The following OSBP2 variants were observed in gnomAD, a reference collection of about 807,000 sequenced individuals.
The protein encoded by OSBP2 is oxysterol-binding protein 2.
A neutral mutation model predicts 96.0 loss-of-function variants in OSBP2; 66 were observed. The ratio of observed to expected loss-of-function variants is 0.69; its 90% CI spans 0.56 to 0.84. The LOEUF (loss-of-function observed/expected upper bound fraction) is 0.84, where lower values mean the gene tolerates loss of function less well. Ranked by LOEUF, OSBP2 falls within the 40% of genes least tolerant of loss-of-function variation. The probability of loss-of-function intolerance (pLI) is 0.00; values close to 1 mark genes in which losing one functional copy is unlikely to be tolerated. For missense variants in OSBP2, 1,038 were observed against 1,222.7 expected (o/e 0.85, Z 2.25); for synonymous variants, 525 against 520.9 (o/e 1.01, Z -0.11).
In OSBP2 at chr22:30,764,791, G is replaced by C. The variant is rs907933196; in HGVS notation, c.853+23422G>C. On this transcript the variant is annotated intron_variant, in intron 2 of 13. Transcript: ENST00000332585. The stretch of plus-strand genomic sequence containing the variant: ...ATTGACCCTCAGACCCCTCAGTCCT[G>C]AGGAGGAGAGAAGCCCCATCCTCCC... Among the ~76,000 whole-genome samples, 5 of 152,258 alleles carry C rather than the reference G, an allele frequency of 3.3e-5. No homozygotes were observed. The East Asian group carries it at 9.6e-4, about 29-fold the overall frequency.
intron 1 of OSBP2, among the ~76,000 whole-genome samples, chr22:30,737,194 T>C (rs562944801): frequency 6.6e-6 from 1 of 152,222 alleles, no homozygotes; most frequent in Non-Finnish European, 1.5e-5. Context: ...TTTTCTATTA[T>C]TAGTAGAGAT....
chr22:30,886,990 C>G (rs989049141), intron 3 of OSBP2, among the ~76,000 whole-genome samples: 2 of 152,118 alleles, frequency 1.3e-5, no homozygotes, highest in Admixed American at 1.3e-4. Flanking sequence ...GAGCAGCCCC[C>G]GGGGCTGCTT....
chr22:30,830,811 C>T (rs1223031646), intron 2 of OSBP2, among the ~76,000 whole-genome samples: 1 of 152,084 alleles, frequency 6.6e-6, no homozygotes, highest in East Asian at 1.9e-4. Context: ...TATCCCTTTG[C>T]CACTGTTTTT....
At chr22:30,861,831 G>C (rs1417269521) in intron 2 of OSBP2, among the ~76,000 whole-genome samples, 2 of 152,150 alleles carry the variant, frequency 1.3e-5, no homozygotes, top group Non-Finnish European at 2.9e-5. Flanking sequence ...GGCCCTCGCC[G>C]CTTCTATCTC....
At chr22:30,783,482 C>T (rs771985822) in intron 2 of OSBP2, among the ~76,000 whole-genome samples, 8 of 151,272 alleles carry the variant, frequency 5.3e-5, no homozygotes, top group Non-Finnish European at 8.8e-5. Context: ...CCACCATGGC[C>T]GGCTAATTTT....
intron 1 of OSBP2, 88 bp from the exon 2 acceptor site, chr22:30,741,073 G>A: frequency 9.6e-7 from 1 of 1,040,946 alleles, no homozygotes; most frequent in Non-Finnish European, 1.4e-6. Flanking sequence ...GAGGGTCTGA[G>A]ATTCTGAGGA....
At chr22:30,872,297 T>C in intron 3 of OSBP2, 1 of 456,650 alleles carries the variant, frequency 2.2e-6, no homozygotes, top group South Asian at 1.5e-5. Context: ...TGTATTTCCC[T>C]GTCCCTCCCA....
rs368255550 is a variant in OSBP2, at chr22:30,898,344, C to A, written c.2375+4343C>A. Among the ~76,000 whole-genome samples the A allele has an allele frequency of 1.3e-4, 19 of 150,886 alleles. No individual in the cohort carries two copies. The East Asian group carries it at 2.9e-3, about 23-fold the overall frequency. ...CTCTAGCCTGTGTGACAGAGCAAGA[C>A]CCTGTCTCAAAAAATAATAATAATT... On this transcript the variant is annotated intron_variant, in intron 12 of 13. Transcript: ENST00000332585.
At chr22:30,811,413 T>G (rs2091005214) in intron 2 of OSBP2, among the ~76,000 whole-genome samples, 1 of 151,006 alleles carries the variant, frequency 6.6e-6, no homozygotes, top group African/African-American at 2.4e-5. Context: ...TGGTGCGATC[T>G]CAGCTCACCA....
intron 1 of OSBP2, among the ~76,000 whole-genome samples, chr22:30,696,341 C>G (rs2089034648): frequency 6.6e-6 from 1 of 152,196 alleles, no homozygotes; most frequent in Non-Finnish European, 1.5e-5. Context: ...GAACTCAGAT[C>G]AGTCTATGCC....
intron 2 of OSBP2, among the ~76,000 whole-genome samples, chr22:30,843,444 T>TA (rs1555919385): frequency 8.3e-6 from 1 of 120,556 alleles, no homozygotes; most frequent in Non-Finnish European, 1.7e-5. Context: ...CAGGAATCTT[T>TA]CCCCCCTCCC....
intron 2 of OSBP2, among the ~76,000 whole-genome samples, chr22:30,802,045 T>G (rs2090857775): frequency 6.6e-6 from 1 of 152,150 alleles, no homozygotes; most frequent in Non-Finnish European, 1.5e-5. Context: ...AGGTAGGGTA[T>G]CCTCATCTTG....
intron 2 of OSBP2, among the ~76,000 whole-genome samples, chr22:30,847,273 C>G (rs1187416360): frequency 6.6e-6 from 1 of 151,468 alleles, no homozygotes; most frequent in Non-Finnish European, 1.5e-5. Context: ...GCACCTGCAC[C>G]CAGGCTCATT....
In OSBP2 at chr22:30,827,690, T is replaced by C. The variant is rs138546270; in HGVS notation, c.854-42739T>C. Among the ~76,000 whole-genome samples the C allele has an allele frequency of 4.6e-5, 7 of 152,252 alleles. No individual in the cohort carries two copies. In the East Asian group the frequency reaches 1.4e-3, roughly 29 times the overall value. The stretch of plus-strand genomic sequence containing the variant: ...CAAGGCAACCATGGGCCCGTGGGCA[T>C]GGGACAAGTCCAGTCCTTGGAGCCA... On this transcript the variant is annotated intron_variant, in intron 2 of 13. Transcript: ENST00000332585.
In OSBP2 at chr22:30,907,718, A is replaced by G. The variant is rs966653773; in HGVS notation, c.*1379A>G. The G allele has an allele frequency of 2.0e-5, 3 of 152,200 alleles. No homozygotes were observed. Among genetic ancestry groups the G allele is most frequent in the Non-Finnish European group, 4.4e-5 (3 of 67,920 alleles). The allele number at this position is 152,200 out of a possible 1,614,324, so 9.4% of individuals were successfully genotyped here. A position where few individuals can be genotyped will look rare whatever the true frequency, so the allele number is the denominator to read the frequency against. On this transcript the variant is annotated 3_prime_UTR_variant, in exon 14 of 14. Coordinates refer to ENST00000332585, the MANE Select transcript of OSBP2 (RefSeq NM_030758.4). ...GGGCGGGGTGGGGCAGGATGGCCCC[A>G]CTGGGGCTCCTACAGAGCTGTGGAA...
intron 2 of OSBP2, among the ~76,000 whole-genome samples, chr22:30,756,816 T>C (rs2090146719): frequency 6.6e-6 from 1 of 152,130 alleles, no homozygotes. Flanking sequence ...GAAGTAACAT[T>C]GTCAGTCTTT....
At chr22:30,775,219 G>T (rs1175050938) in intron 2 of OSBP2, among the ~76,000 whole-genome samples, 3 of 152,018 alleles carry the variant, frequency 2.0e-5, no homozygotes, top group Non-Finnish European at 2.9e-5. Flanking sequence ...TCAGCCTGTG[G>T]CAACCACTAA....
intron 2 of OSBP2, among the ~76,000 whole-genome samples, chr22:30,756,763 A>T (rs2090145847): frequency 6.6e-6 from 1 of 152,094 alleles, no homozygotes; most frequent in South Asian, 2.1e-4. Context: ...CATGCTACAA[A>T]CTGCCCAGCA....
chr22:30,763,354 A>G (rs2090230118), intron 2 of OSBP2, among the ~76,000 whole-genome samples: 1 of 152,208 alleles, frequency 6.6e-6, no homozygotes. Flanking sequence ...CAAAATATAC[A>G]AACACAGGTT....
Sources: gnomAD v4.1 joint callset for allele counts (sites outside exome capture counted in the v4.1 genomes callset) on GRCh38, gnomAD v4.1.1 for gene constraint, MANE v1.5 for transcripts, NCBI Gene and HGNC (gene_info 2026-07-23, HGNC 2026-07-21) for gene names.